Variants in DLGAP2 observed in about 807,000 individuals in gnomAD.
DLGAP2 encodes disks large-associated protein 2.
DLGAP2 carries 26 observed loss-of-function variants against 100.3 expected under a neutral mutation model. That is an observed-to-expected ratio of 0.26 (90% CI 0.19 to 0.36). The LOEUF (loss-of-function observed/expected upper bound fraction) is 0.36. Among genes scored for constraint, DLGAP2 ranks in the 10% least tolerant of loss-of-function variants. DLGAP2 has a pLI of 1.00. For missense variants in DLGAP2, 1,858 were observed against 1,453.2 expected (o/e 1.28, Z -4.53); for synonymous variants, 886 against 630.1 (o/e 1.41, Z -6.08).
At chr8:1,448,551 A>C (rs1339739203) in intron 3 of DLGAP2, among the ~76,000 whole-genome samples, 1 of 152,168 alleles carries the variant, frequency 6.6e-6, no homozygotes, top group Non-Finnish European at 1.5e-5. Flanking sequence ...TGCTGAAAAA[A>C]ATGTATATTC....
At chr8:1,699,242 T>C (rs1392445246) in intron 14 of DLGAP2, among the ~76,000 whole-genome samples, 2 of 152,118 alleles carry the variant, frequency 1.3e-5, no homozygotes, top group Non-Finnish European at 2.9e-5. Flanking sequence ...GAGGCCAAGG[T>C]GGGTGGATCA....
chr8:1,603,839 G>A lies in DLGAP2; in HGVS notation c.1443-22901G>A, dbSNP rs115623111. 5.8e-3 allele frequency among the ~76,000 whole-genome samples: 879 copies of A among 152,222 alleles called. 7 individuals carry two copies. The highest frequency in any genetic ancestry group is 0.02 in the African/African-American group (825 of 41,526). The stretch of plus-strand genomic sequence containing the variant: ...CCACATCATCCTCCCCATGCGTCCT[G>A]CTGGCAGGAGACCACCGTTCAATAT... On this transcript the variant is annotated intron_variant, in intron 6 of 14. Coordinates refer to ENST00000637795, the MANE Select transcript of DLGAP2 (RefSeq NM_001346810.2).
intron 1 of DLGAP2, among the ~76,000 whole-genome samples, chr8:858,787 A>G (rs1392457610): frequency 6.6e-6 from 1 of 152,116 alleles, no homozygotes. Flanking sequence ...CCGTGGGCAT[A>G]TATGAGATGC....
intron 2 of DLGAP2, among the ~76,000 whole-genome samples, chr8:945,836 C>T (rs564172086): frequency 5.9e-5 from 9 of 152,208 alleles, no homozygotes; most frequent in African/African-American, 2.2e-4. Flanking sequence ...CCCCCTCTCT[C>T]TCTGCGTGTG....
intron 1 of DLGAP2, among the ~76,000 whole-genome samples, chr8:885,763 G>A (rs557916976): frequency 2.0e-5 from 3 of 152,088 alleles, no homozygotes; most frequent in Admixed American, 1.3e-4. Context: ...TGGGTTTGTC[G>A]TAAATAGCTC....
intron 2 of DLGAP2, among the ~76,000 whole-genome samples, chr8:1,141,700 T>A (rs931408983): frequency 6.6e-6 from 1 of 152,192 alleles, no homozygotes; most frequent in Admixed American, 6.5e-5. Context: ...AAATGAATTA[T>A]GTACCCAAAA....
At chr8:1,267,761 T>A (rs1275886854) in intron 3 of DLGAP2, among the ~76,000 whole-genome samples, 1 of 152,020 alleles carries the variant, frequency 6.6e-6, no homozygotes, top group East Asian at 1.9e-4. Context: ...CCTTCCCTTT[T>A]TCTCCTCTGC....
chr8:1,535,719 TG>T (rs1444220208), intron 4 of DLGAP2, among the ~76,000 whole-genome samples: 1 of 152,236 alleles, frequency 6.6e-6, no homozygotes, highest in African/African-American at 2.4e-5. Flanking sequence ...GCCCTGGTGT[TG>T]CAAGAGGAGG....
intron 3 of DLGAP2, among the ~76,000 whole-genome samples, chr8:1,487,104 A>AAAACCT (rs1584948023): frequency 6.6e-6 from 1 of 152,230 alleles, no homozygotes; most frequent in African/African-American, 2.4e-5. Context: ...GTGCTGTGCT[A>AAAACCT]AAACCTTGTA....
In DLGAP2 at chr8:1,562,528, G is replaced by A. The variant is rs867800849; in HGVS notation, c.1231-3155G>A. ...TGTGGTGTTGGGGTGTCCGCGCCTC[G>A]TTACTGGGGGACTGTGTGGTGTTGG... On this transcript the variant is annotated intron_variant, in intron 5 of 14. Coordinates refer to ENST00000637795, the MANE Select transcript of DLGAP2 (RefSeq NM_001346810.2). Among the ~76,000 whole-genome samples, 10 of 41,252 alleles carry A rather than the reference G, an allele frequency of 2.4e-4. 1 individual carries two copies. The highest frequency in any genetic ancestry group is 4.1e-4 in the Non-Finnish European group (9 of 21,998). 27.1% of individuals were successfully genotyped at this position (41,252 alleles called of 152,430 possible).
At chr8:1,121,770 A>C (rs946791442) in intron 2 of DLGAP2, among the ~76,000 whole-genome samples, 9 of 151,366 alleles carry the variant, frequency 5.9e-5, no homozygotes, top group African/African-American at 1.9e-4. Context: ...ACCCATGACC[A>C]CCCATCCTTG....
At chr8:806,267 C>T (rs558383847) in intron 1 of DLGAP2, among the ~76,000 whole-genome samples, 148 of 152,274 alleles carry the variant, frequency 9.7e-4, no homozygotes, top group Admixed American at 1.9e-3. Context: ...GATCTGAGGC[C>T]TCACAGTTGT....
chr8:1,501,302 C>G (rs1462003349), intron 3 of DLGAP2, 64 bp from the exon 4 acceptor site: 1 of 1,492,312 alleles, frequency 6.7e-7, no homozygotes, highest in Non-Finnish European at 9.0e-7. Context: ...TGAAGATGTG[C>G]AGGGAATGAC....
chr8:1,552,739 C>G (rs145202943), intron 5 of DLGAP2, among the ~76,000 whole-genome samples: 5 of 152,246 alleles, frequency 3.3e-5, no homozygotes, highest in African/African-American at 1.2e-4. Context: ...CCTTTTTTCA[C>G]TAGGAGCACT....
chr8:1,213,543 C>T (rs958041911), intron 2 of DLGAP2, among the ~76,000 whole-genome samples: 4 of 152,120 alleles, frequency 2.6e-5, no homozygotes, highest in Non-Finnish European at 5.9e-5. Flanking sequence ...GGGATTTCCA[C>T]CTGTATTCCT....
chr8:1,447,337 A>T (rs1798009135), intron 3 of DLGAP2, among the ~76,000 whole-genome samples: 1 of 152,198 alleles, frequency 6.6e-6, no homozygotes, highest in South Asian at 2.1e-4. Context: ...GCATCTATTG[A>T]GATAATCATG....
At chr8:864,935 A>G (rs1413836306) in intron 1 of DLGAP2, among the ~76,000 whole-genome samples, 1 of 152,220 alleles carries the variant, frequency 6.6e-6, no homozygotes, top group Non-Finnish European at 1.5e-5. Flanking sequence ...TTCAAGTTAA[A>G]TGTATTCTTA....
At chr8:1,470,691 C>T (rs954326976) in intron 3 of DLGAP2, among the ~76,000 whole-genome samples, 4 of 151,982 alleles carry the variant, frequency 2.6e-5, no homozygotes, top group African/African-American at 7.3e-5. Context: ...CCTGTAGCTC[C>T]ACGTGGATAT....
intron 1 of DLGAP2, among the ~76,000 whole-genome samples, chr8:905,728 G>T (rs542119083): frequency 1.3e-5 from 2 of 152,094 alleles, no homozygotes; most frequent in Admixed American, 6.5e-5. Flanking sequence ...ATTTGAGGGG[G>T]GCGCCAGCTC....
Sources: allele counts gnomAD v4.1 joint callset (sites outside exome capture counted in the v4.1 genomes callset), GRCh38; gene constraint gnomAD v4.1.1; transcripts MANE v1.5; gene names NCBI Gene and HGNC (gene_info 2026-07-23, HGNC 2026-07-21).